RIMS2: variants seen among roughly 807,000 people sequenced by gnomAD.
RIMS2 encodes regulating synaptic membrane exocytosis 2.
RIMS2 carries 59 observed loss-of-function variants against 174.4 expected under a neutral mutation model. The ratio of observed to expected loss-of-function variants is 0.34; its 90% CI spans 0.27 to 0.42. The LOEUF is 0.42. Among genes scored for constraint, RIMS2 ranks in the 10% least tolerant of loss-of-function variants. The pLI, the probability that RIMS2 is intolerant of heterozygous loss-of-function variation, is 1.00. For synonymous variants in RIMS2, 606 were observed against 572.5 expected, an observed-to-expected ratio of 1.06 and a Z score of -0.84; for missense variants, 1,620 against 1,666.3, an observed-to-expected ratio of 0.97 and a Z score of 0.48.
intron 1 of RIMS2, among the ~76,000 whole-genome samples, chr8:103,513,681 G>C (rs765833863): frequency 6.6e-6 from 1 of 152,098 alleles, no homozygotes; most frequent in Non-Finnish European, 1.5e-5. Flanking sequence ...ATGGGTGTGT[G>C]GTATCTTTAT....
intron 1 of RIMS2, among the ~76,000 whole-genome samples, chr8:103,670,081 G>A (rs1447476519): frequency 2.0e-5 from 3 of 152,210 alleles, no homozygotes; most frequent in African/African-American, 4.8e-5. Context: ...TCTAGACAAA[G>A]GTTCCCAAAC....
chr8:103,721,894 C>A (rs2097454028), intron 2 of RIMS2, among the ~76,000 whole-genome samples: 1 of 152,176 alleles, frequency 6.6e-6, no homozygotes, highest in South Asian at 2.1e-4. Context: ...TCAAGGATGA[C>A]AACTAGCTTT....
Position 104,021,159 on chromosome 8 carries a change from C to CTTCATCTTT in RIMS2, c.3334+6546_3334+6554dup, listed in dbSNP as rs534339799. ...TAGTCTTGAATGTATTCTTCCCTGT[C>CTTCATCTTT]TTCATCTTTTATAAAGAATGTCTAC... On this transcript the variant is annotated intron_variant, in intron 19 of 23. Transcript: ENST00000504942. Among the ~76,000 whole-genome samples, 1,075 of 152,074 alleles carry CTTCATCTTT rather than the reference C, an allele frequency of 7.1e-3. 3 individuals carry two copies. The highest frequency in any genetic ancestry group is 0.012 in the Non-Finnish European group (842 of 67,898).
chr8:103,942,273 G>C (rs1398008900), intron 13 of RIMS2, among the ~76,000 whole-genome samples: 1 of 152,084 alleles, frequency 6.6e-6, no homozygotes, highest in Non-Finnish European at 1.5e-5. Context: ...ACATTAGTTT[G>C]CTAAGGATAA....
At chr8:104,213,889 AAGAAGAAGAAG>A (rs1382231210) in intron 19 of RIMS2, among the ~76,000 whole-genome samples, 37 of 113,844 alleles carry the variant, frequency 3.3e-4, no homozygotes, top group Admixed American at 4.2e-4. Context: ...AAAAAAAAAA[AAGAAGAAGAAG>A]AAGAAGAAGA....
intron 3 of RIMS2, among the ~76,000 whole-genome samples, chr8:103,786,913 T>C (rs2098449429): frequency 6.6e-6 from 1 of 151,838 alleles, no homozygotes; most frequent in Admixed American, 6.6e-5. Flanking sequence ...TCTAAGTCTC[T>C]TTGTAGGTCA....
chr8:103,509,695 A>G (rs1335745463), intron 1 of RIMS2, among the ~76,000 whole-genome samples: 1 of 152,096 alleles, frequency 6.6e-6, no homozygotes, highest in African/African-American at 2.4e-5. Context: ...AGGTAGAGTT[A>G]TGGAAAGGGG....
intron 15 of RIMS2, among the ~76,000 whole-genome samples, chr8:103,969,087 T>G (rs1465922040): frequency 6.6e-6 from 1 of 152,038 alleles, no homozygotes; most frequent in Non-Finnish European, 1.5e-5. Flanking sequence ...ATTCTTATCT[T>G]TGTTCTATAG....
intron 1 of RIMS2, among the ~76,000 whole-genome samples, chr8:103,611,023 G>A (rs1028095343): frequency 2.0e-5 from 3 of 152,080 alleles, no homozygotes; most frequent in African/African-American, 7.2e-5. Context: ...CCTGTTCAGG[G>A]ATTCAATTTC....
At chr8:103,927,460 A>C (rs973185218) in intron 10 of RIMS2, among the ~76,000 whole-genome samples, 1 of 151,426 alleles carries the variant, frequency 6.6e-6, no homozygotes, top group Non-Finnish European at 1.5e-5. Flanking sequence ...TTTTTGCACT[A>C]TTCTATTTTT....
intron 2 of RIMS2, among the ~76,000 whole-genome samples, chr8:103,707,352 C>T (rs937631782): frequency 1.3e-5 from 2 of 152,192 alleles, no homozygotes; most frequent in African/African-American, 4.8e-5. Flanking sequence ...GATGCCTAGG[C>T]ATTGAAGACT....
At chr8:103,646,350 A>G (rs1046880158) in intron 1 of RIMS2, among the ~76,000 whole-genome samples, 2 of 152,070 alleles carry the variant, frequency 1.3e-5, no homozygotes, top group Non-Finnish European at 2.9e-5. Context: ...TTTTCGTATC[A>G]TATGCATCAT....
intron 1 of RIMS2, among the ~76,000 whole-genome samples, chr8:103,650,124 CGTT>C (rs2096422363): frequency 6.6e-6 from 1 of 151,880 alleles, no homozygotes; most frequent in African/African-American, 2.4e-5. Flanking sequence ...TTTTTATTGA[CGTT>C]GTTGTTGTTT....
At chr8:103,585,579 G>T (rs1334082808) in intron 1 of RIMS2, among the ~76,000 whole-genome samples, 2 of 152,098 alleles carry the variant, frequency 1.3e-5, no homozygotes, top group African/African-American at 4.8e-5. Context: ...CATGTCCTTT[G>T]CAGGGACATG....
intron 1 of RIMS2, among the ~76,000 whole-genome samples, chr8:103,628,003 A>T (rs912535108): frequency 5.9e-5 from 9 of 152,206 alleles, no homozygotes; most frequent in Non-Finnish European, 1.2e-4. Flanking sequence ...TTACTGAACA[A>T]CTGCATGCAT....
At chr8:103,611,203 C>T (rs1190560964) in intron 1 of RIMS2, among the ~76,000 whole-genome samples, 1 of 151,946 alleles carries the variant, frequency 6.6e-6, no homozygotes, top group Non-Finnish European at 1.5e-5. Flanking sequence ...TTTGTCATTT[C>T]TAATTGTGTT....
chr8:104,061,806 T>C (rs916875868), intron 19 of RIMS2, among the ~76,000 whole-genome samples: 1 of 152,014 alleles, frequency 6.6e-6, no homozygotes, highest in African/African-American at 2.4e-5. Flanking sequence ...TGCAATTAGA[T>C]AATTACCTGT....
At chr8:104,051,026 C>A (rs2096776612) in intron 19 of RIMS2, among the ~76,000 whole-genome samples, 1 of 152,020 alleles carries the variant, frequency 6.6e-6, no homozygotes, top group Non-Finnish European at 1.5e-5. Flanking sequence ...CACTTGCGTC[C>A]AGGAGTTTGA....
chr8:104,168,768 A>C (rs1373041036), intron 19 of RIMS2, among the ~76,000 whole-genome samples: 1 of 152,118 alleles, frequency 6.6e-6, no homozygotes, highest in Non-Finnish European at 1.5e-5. Flanking sequence ...GTTCAGTATG[A>C]TGTTGGCTGT....
Sources: allele counts gnomAD v4.1 joint callset (sites outside exome capture counted in the v4.1 genomes callset), GRCh38; gene constraint gnomAD v4.1.1; transcripts MANE v1.5; gene names NCBI Gene and HGNC (gene_info 2026-07-23, HGNC 2026-07-21).